The following ARPC3 variants were observed in gnomAD, a reference collection of about 807,000 sequenced individuals.
ARPC3 encodes the protein actin related protein 2/3 complex subunit 3, also known as actin-related protein 2/3 complex subunit 3.
In ARPC3, 12 loss-of-function variants were observed where a neutral mutation model predicts 27.6. The observed-to-expected ratio is 0.43, with a 90% CI of 0.28 to 0.70. ARPC3 has a LOEUF of 0.70. Among genes scored for constraint, ARPC3 ranks in the 30% least tolerant of loss-of-function variants. The pLI, the probability that ARPC3 is intolerant of heterozygous loss-of-function variation, is 0.17. For synonymous variants in ARPC3, 53 were observed against 67.2 expected, an observed-to-expected ratio of 0.79 and a Z score of 1.03; for missense variants, 153 against 207.7, an observed-to-expected ratio of 0.74 and a Z score of 1.62.
chr12:110,445,326 CTACCAAGCAAAG>C, intron 2 of ARPC3, 114 bp downstream of exon 2: 1 of 757,476 alleles, frequency 1.3e-6, no homozygotes, highest in Non-Finnish European at 2.3e-6. Flanking sequence ...ACCACAGTAT[CTACCAAGCAAAG>C]TACAAGGGCA....
At chr12:110,443,786 T>C (rs2062450417) in intron 2 of ARPC3, among the ~76,000 whole-genome samples, 1 of 152,148 alleles carries the variant, frequency 6.6e-6, no homozygotes, top group Non-Finnish European at 1.5e-5. Context: ...CTCAATATTG[T>C]TTCCAAAAAC....
At chr12:110,438,540 A>T (rs2062418029) in intron 3 of ARPC3, among the ~76,000 whole-genome samples, 1 of 150,552 alleles carries the variant, frequency 6.6e-6, no homozygotes, top group South Asian at 2.1e-4. Context: ...CGAGGGTTGC[A>T]CTGAGCCGAG....
At chr12:110,439,272 A>G (rs1450026029) in intron 3 of ARPC3, among the ~76,000 whole-genome samples, 1 of 151,316 alleles carries the variant, frequency 6.6e-6, no homozygotes, top group Non-Finnish European at 1.5e-5. Context: ...GGCGTGAGCC[A>G]CCATGCACTA....
At chr12:110,436,066 TA>T (rs750076555) in intron 6 of ARPC3, 43 bp downstream of exon 6, 1 of 1,454,878 alleles carries the variant, frequency 6.9e-7, no homozygotes, top group South Asian at 1.1e-5. Context: ...GGCTATGGGA[TA>T]AAAGGTGATT....
At position 110,448,628 on chromosome 12, in the gene ARPC3, G is replaced by T. The variant is rs545881894; in HGVS notation, c.6+1627C>A. 6.2e-4 allele frequency among the ~76,000 whole-genome samples: 93 copies of T among 149,894 alleles called. 2 individuals are homozygous for T. The South Asian group carries it at 0.018, about 29-fold the overall frequency. ...AGTTTGTGTCACTGAACTGCAGCCT[G>T]AGAGACAGGGTCACACCCTGTCTCA... On this transcript the variant is annotated intron_variant, in intron 1 of 6. Transcript: ENST00000228825.
chr12:110,439,264 C>T (rs557717347), intron 3 of ARPC3, among the ~76,000 whole-genome samples: 12 of 151,932 alleles, frequency 7.9e-5, no homozygotes, highest in African/African-American at 2.4e-4. Context: ...GGATTACAGG[C>T]GTGAGCCACC....
Position 110,442,009 on chromosome 12 carries a change from C to G in ARPC3, c.107-1621G>C, listed in dbSNP as rs548784181. 9.6e-5 allele frequency among the ~76,000 whole-genome samples: 14 copies of G among 145,206 alleles called. No homozygotes were observed. In the East Asian group the frequency reaches 2.2e-3, roughly 23 times the overall value. ...TTGCACCATTGCACTCCAGCCTGGG[C>G]AACGAGATCAAAACTCTGTCTCCAA... is the stretch of plus-strand genomic sequence containing the variant. On this transcript the variant is annotated intron_variant, in intron 2 of 6. Transcript: ENST00000228825.
Position 110,437,162 on chromosome 12 carries a change from G to A in ARPC3, c.184-10C>T, listed in dbSNP as rs1164130450. Reference sequence around the variant, plus strand: ...TCCTATCAGCTTCATTCTACAGGGAGAAAAAGAAGACTTAAAAACAGTTAT... The same window carrying A: ...TCCTATCAGCTTCATTCTACAGGGAAAAAAAGAAGACTTAAAAACAGTTAT... On this transcript the variant is annotated splice_polypyrimidine_tract_variant and intron_variant, in intron 3 of 6. Transcript: ENST00000228825. 2 of 1,544,784 alleles carry A rather than the reference G, an allele frequency of 1.3e-6. No individual in the cohort carries two copies. The highest frequency in any genetic ancestry group is 1.8e-6 in the Non-Finnish European group (2 of 1,118,728).
At chr12:110,444,595 C>T (rs575927180) in intron 2 of ARPC3, among the ~76,000 whole-genome samples, 1 of 152,190 alleles carries the variant, frequency 6.6e-6, no homozygotes, top group Non-Finnish European at 1.5e-5. Context: ...TTGTGATTTT[C>T]TTTTATGTTA....
intron 2 of ARPC3, among the ~76,000 whole-genome samples, chr12:110,440,917 A>G (rs1210518275): frequency 6.8e-6 from 1 of 147,000 alleles, no homozygotes; most frequent in African/African-American, 2.5e-5. Context: ...ATCTTGGCTC[A>G]CTGCAAGCTC....
rs1405348702 is a variant in ARPC3, at chr12:110,436,485, A to T, written c.379+72T>A. On this transcript the variant is annotated intron_variant, in intron 5 of 6. Transcript: ENST00000228825. ...CTGTACATGAATCAAGGCAAGAAAAAGAGGGGTGGTAGGAAGTCAAATGGA... is the reference window on the plus strand; with the variant it reads ...CTGTACATGAATCAAGGCAAGAAAATGAGGGGTGGTAGGAAGTCAAATGGA... 4.4e-6 allele frequency: 7 copies of T among 1,594,976 alleles called. No individual in the cohort carries two copies. In the East Asian group the frequency reaches 1.1e-4, roughly 25 times the overall value.
At chr12:110,440,254 A>T in intron 3 of ARPC3, 58 bp downstream of exon 3, 1 of 1,165,348 alleles carries the variant, frequency 8.6e-7, no homozygotes, top group Non-Finnish European at 1.3e-6. Context: ...CTGGATAGCA[A>T]GGTTGGTATT....
chr12:110,440,210 T>C (rs764758194), intron 3 of ARPC3, 102 bp downstream of exon 3: 1 of 803,684 alleles, frequency 1.2e-6, no homozygotes, highest in Non-Finnish European at 2.1e-6. Context: ...AAAAATTACA[T>C]GCTGATTTCA....
chr12:110,442,210 A>G (rs2062441534), intron 2 of ARPC3, among the ~76,000 whole-genome samples: 2 of 152,128 alleles, frequency 1.3e-5, no homozygotes, highest in Non-Finnish European at 2.9e-5. Flanking sequence ...CATTTCCCCA[A>G]AAATAACTAC....
intron 2 of ARPC3, chr12:110,445,033 T>C (rs1210720532): frequency 4.5e-6 from 1 of 223,616 alleles, no homozygotes; most frequent in Non-Finnish European, 9.0e-6. Flanking sequence ...GATTGAGGTA[T>C]TGCTAAAAAT....
At chr12:110,438,266 A>T (rs2135498926) in intron 3 of ARPC3, among the ~76,000 whole-genome samples, 1 of 149,210 alleles carries the variant, frequency 6.7e-6, no homozygotes, top group East Asian at 2.0e-4. Context: ...ACTGCACTGC[A>T]GCCTGGGCAA....
intron 5 of ARPC3, 126 bp downstream of exon 5, chr12:110,436,431 A>G (rs761649448): frequency 1.7e-4 from 251 of 1,484,204 alleles, no homozygotes; most frequent in Non-Finnish European, 2.1e-4. Flanking sequence ...CTAATAAGAT[A>G]ATGTACTTCC....
chr12:110,447,773 AAAAC>A (rs533615315), intron 1 of ARPC3, among the ~76,000 whole-genome samples: 2,056 of 152,176 alleles, frequency 0.014, 27 homozygotes, highest in Non-Finnish European at 0.019. Flanking sequence ...CTCTGTCTCA[AAAAC>A]AAACAAACAA....
intron 6 of ARPC3, 44 bp downstream of exon 6, chr12:110,436,066 T>A: frequency 6.9e-7 from 1 of 1,454,886 alleles, no homozygotes; most frequent in Non-Finnish European, 9.6e-7. Context: ...GGCTATGGGA[T>A]AAAAGGTGAT....
Sources: gnomAD v4.1 joint callset for allele counts (sites outside exome capture counted in the v4.1 genomes callset) on GRCh38, gnomAD v4.1.1 for gene constraint, MANE v1.5 for transcripts, NCBI Gene and HGNC (gene_info 2026-07-23, HGNC 2026-07-21) for gene names.